Variants in GPR149 observed in about 807,000 individuals in gnomAD.
GPR149 encodes probable G protein-coupled receptor 149.
In GPR149, 50 loss-of-function variants were observed where a neutral mutation model predicts 50.2. The observed-to-expected ratio is 1.00, with a 90% CI of 0.79 to 1.26. The LOEUF is 1.26. Ranked by LOEUF, GPR149 falls within the 50% of genes most tolerant of loss-of-function variation. The pLI is 0.00. For missense variants in GPR149, 983 were observed against 895.4 expected (o/e 1.10, Z -1.25); for synonymous variants, 405 against 358.2 (o/e 1.13, Z -1.48).
chr3:154,363,665 C>T (rs941510241), intron 3 of GPR149, among the ~76,000 whole-genome samples: 1 of 152,184 alleles, frequency 6.6e-6, no homozygotes, highest in Non-Finnish European at 1.5e-5. Flanking sequence ...CAAGCTGCCA[C>T]TTCTGGATAG....
intron 2 of GPR149, among the ~76,000 whole-genome samples, chr3:154,423,473 T>C (rs1160044952): frequency 6.6e-6 from 1 of 151,912 alleles, no homozygotes; most frequent in African/African-American, 2.4e-5. Context: ...GTGCTGTTTT[T>C]AAGTCAGAGG....
At chr3:154,383,913 T>C (rs1576916012) in intron 3 of GPR149, among the ~76,000 whole-genome samples, 2 of 152,270 alleles carry the variant, frequency 1.3e-5, no homozygotes, top group South Asian at 4.1e-4. Flanking sequence ...GTCTCTGAAC[T>C]AAAAAGCAGA....
rs572814663 is a variant in GPR149 at position 154,406,783 on chromosome 3, A to G, written c.1623+14256T>C. Among the ~76,000 whole-genome samples, 34 of 152,350 alleles carry G rather than the reference A, an allele frequency of 2.2e-4. 1 individual carries two copies. In the South Asian group the frequency reaches 5.2e-3, roughly 23 times the overall value. The stretch of plus-strand genomic sequence containing the variant: ...AGGTATGTAGGAACAAGGTGGAAAG[A>G]ATGAGAAAAATAAAATCAGGGAAGA... On this transcript the variant is annotated intron_variant, in intron 3 of 3. Coordinates refer to ENST00000389740, the MANE Select transcript of GPR149 (RefSeq NM_001038705.3).
At chr3:154,352,233 C>A (rs186980319) in intron 3 of GPR149, 2 of 876,082 alleles carry the variant, frequency 2.3e-6, no homozygotes, top group Non-Finnish European at 1.8e-6. Context: ...ACTCCCTTGT[C>A]GACTCTGTCT....
chr3:154,353,549 G>T, intron 3 of GPR149: 1 of 967,830 alleles, frequency 1.0e-6, no homozygotes, highest in Non-Finnish European at 1.7e-6. Context: ...TTCCAACCAA[G>T]ATGTCAATAC....
chr3:154,381,894 G>T (rs558972915), intron 3 of GPR149, among the ~76,000 whole-genome samples: 1 of 152,096 alleles, frequency 6.6e-6, no homozygotes, highest in African/African-American at 2.4e-5. Flanking sequence ...GTCTTTATAA[G>T]GAAGTAAGGG....
At chr3:154,410,889 C>T (rs1247203121) in intron 3 of GPR149, among the ~76,000 whole-genome samples, 1 of 152,092 alleles carries the variant, frequency 6.6e-6, no homozygotes, top group Non-Finnish European at 1.5e-5. Flanking sequence ...GCAGAATATA[C>T]ATTCTATTCA....
chr3:154,382,650 C>T (rs541945631), intron 3 of GPR149, among the ~76,000 whole-genome samples: 17 of 152,142 alleles, frequency 1.1e-4, no homozygotes, highest in South Asian at 6.2e-4. Context: ...CTGAAAATCA[C>T]GAGTCATTTA....
chr3:154,343,700 T>C (rs1364293676), intron 3 of GPR149, among the ~76,000 whole-genome samples: 4 of 152,144 alleles, frequency 2.6e-5, no homozygotes, highest in African/African-American at 9.7e-5. Flanking sequence ...GGTGCGACTG[T>C]TCATCCCTGT....
intron 3 of GPR149, among the ~76,000 whole-genome samples, chr3:154,406,093 C>T (rs1711678278): frequency 6.6e-6 from 1 of 151,626 alleles, no homozygotes; most frequent in South Asian, 2.1e-4. Context: ...AAAGAAATCT[C>T]TATAAAAATT....
In GPR149 at chr3:154,421,203, T is replaced by G; in HGVS notation, c.1459A>C (p.Asn487His). The change falls in exon 3 of 4, where the codon AAC becomes CAC. Residue 487 changes from asparagine (N) to histidine (H), a missense_variant. Asn to His is a moderately conservative substitution (Grantham distance 68, BLOSUM62 1). Transcript: ENST00000389740. ...TTGTCAGAAAACGCATCCTTTTTGTTGTTGGAATCCTGTTTAGCTTCTGTA... is the reference window on the plus strand; with the variant it reads ...TTGTCAGAAAACGCATCCTTTTTGTGGTTGGAATCCTGTTTAGCTTCTGTA... ...DITEAKQDSN[N>H]KKDAFSDKTG... 6.2e-7 allele frequency: 1 copy of G among 1,613,582 alleles called. No homozygotes were observed. Among genetic ancestry groups the G allele is most frequent in the Non-Finnish European group, 8.5e-7 (1 of 1,179,632 alleles).
intron 3 of GPR149, among the ~76,000 whole-genome samples, chr3:154,400,167 T>C (rs1421441305): frequency 6.6e-6 from 1 of 151,900 alleles, no homozygotes; most frequent in African/African-American, 2.4e-5. Flanking sequence ...TCTGTATTTT[T>C]AGTAGAGACG....
chr3:154,416,554 AATAAT>A (rs1342658438), intron 3 of GPR149, among the ~76,000 whole-genome samples: 3 of 151,814 alleles, frequency 2.0e-5, no homozygotes, highest in Non-Finnish European at 4.4e-5. Flanking sequence ...TTAAATAAAT[AATAAT>A]ATTTTAAAAA....
chr3:154,358,740 A>G (rs964289923), intron 3 of GPR149, among the ~76,000 whole-genome samples: 1 of 152,186 alleles, frequency 6.6e-6, no homozygotes, highest in African/African-American at 2.4e-5. Context: ...TGATGCTTAT[A>G]CACTTCTAAT....
intron 3 of GPR149, among the ~76,000 whole-genome samples, chr3:154,338,479 A>T (rs1713709906): frequency 6.6e-6 from 1 of 152,218 alleles, no homozygotes. Context: ...TAATGAGGGT[A>T]GTTAGGAACC....
intron 3 of GPR149, among the ~76,000 whole-genome samples, chr3:154,393,312 A>G (rs1187350436): frequency 6.6e-6 from 1 of 152,080 alleles, no homozygotes; most frequent in Admixed American, 6.6e-5. Context: ...CACCACACTG[A>G]CAGAATAAAA....
chr3:154,410,830 A>G (rs1711813159), intron 3 of GPR149, among the ~76,000 whole-genome samples: 1 of 152,142 alleles, frequency 6.6e-6, no homozygotes, highest in Non-Finnish European at 1.5e-5. Context: ...ACTATATCCT[A>G]GAACAAATGG....
intron 3 of GPR149, among the ~76,000 whole-genome samples, chr3:154,360,740 CT>C (rs1714358790): frequency 6.6e-6 from 1 of 152,188 alleles, no homozygotes; most frequent in African/African-American, 2.4e-5. Context: ...TCATTATTCT[CT>C]CTGCATATGT....
chr3:154,362,288 C>CAAAAAAAA (rs34401689), intron 3 of GPR149, among the ~76,000 whole-genome samples: 1 of 94,600 alleles, frequency 1.1e-5, no homozygotes. Context: ...GACTCCGTCT[C>CAAAAAAAA]AAAAAAAAAA....
Sources: allele counts gnomAD v4.1 joint callset (sites outside exome capture counted in the v4.1 genomes callset), GRCh38; gene constraint gnomAD v4.1.1; transcripts MANE v1.5; gene names NCBI Gene and HGNC (gene_info 2026-07-23, HGNC 2026-07-21).